The following MFAP5 variants were observed in gnomAD, a reference collection of about 807,000 sequenced individuals.
MFAP5 encodes microfibril associated protein 5, also known as microfibrillar-associated protein 5.
In MFAP5, 19 loss-of-function variants were observed where a neutral mutation model predicts 30.1. The ratio of observed to expected loss-of-function variants is 0.63; its 90% confidence interval spans 0.44 to 0.93. The LOEUF is 0.93. Among genes scored for constraint, MFAP5 ranks in the 40% least tolerant of loss-of-function variants. The probability of loss-of-function intolerance (pLI) is 0.00; values close to 1 mark genes in which losing one functional copy is unlikely to be tolerated. For synonymous variants in MFAP5, 92 were observed against 72.9 expected (o/e 1.26, Z -1.33); for missense variants, 210 against 221.3 (o/e 0.95, Z 0.32).
chr12:8,660,326 C>T (rs1351312912), intron 3 of MFAP5, among the ~76,000 whole-genome samples: 1 of 151,642 alleles, frequency 6.6e-6, no homozygotes, highest in Non-Finnish European at 1.5e-5. Context: ...GTAGCTAGGA[C>T]CACAGGCATG....
At chr12:8,657,948 G>A (rs1218519557) in intron 3 of MFAP5, among the ~76,000 whole-genome samples, 1 of 152,138 alleles carries the variant, frequency 6.6e-6, no homozygotes, top group Non-Finnish European at 1.5e-5. Flanking sequence ...TTTTTATAAA[G>A]CATATCAGAG....
At chr12:8,649,678 C>G (rs1941781112) in intron 8 of MFAP5, 104 bp from the exon 9 acceptor site, 1 of 794,976 alleles carries the variant, frequency 1.3e-6, no homozygotes, top group Non-Finnish European at 2.1e-6. Context: ...ATATTCCCCA[C>G]TTTCCCTATC....
chr12:8,650,185 C>T (rs1435904945), intron 8 of MFAP5, among the ~76,000 whole-genome samples: 1 of 152,148 alleles, frequency 6.6e-6, no homozygotes, highest in African/African-American at 2.4e-5. Context: ...CTATTTTCTA[C>T]CTTAGAGCTG....
intron 7 of MFAP5, among the ~76,000 whole-genome samples, chr12:8,650,964 C>G (rs539824646): frequency 5.3e-5 from 8 of 152,128 alleles, no homozygotes; most frequent in Non-Finnish European, 8.8e-5. Flanking sequence ...GTCAGGAGTT[C>G]GAGACCAGCC....
chr12:8,661,996 G>A lies in MFAP5; in HGVS notation c.58+51C>T, dbSNP rs367780829. 3.1e-5 allele frequency: 48 copies of A among 1,535,614 alleles called. No homozygotes were observed. In the East Asian group the frequency reaches 6.1e-4, roughly 19 times the overall value. ...TTCCATCCCATCTCCTGCCACACAC[G>A]TGTATAGCTGAGGAGCTGAGGGTTT... is the stretch of plus-strand genomic sequence containing the variant. On this transcript the variant is annotated intron_variant, in intron 2 of 9. Coordinates refer to ENST00000359478, the MANE Select transcript of MFAP5 (RefSeq NM_003480.4).
intron 6 of MFAP5, among the ~76,000 whole-genome samples, chr12:8,653,227 T>G (rs373878419): frequency 7.3e-4 from 110 of 150,932 alleles, no homozygotes; most frequent in African/African-American, 2.4e-3. Flanking sequence ...AAAAGAAAAC[T>G]GGATGTCAAC....
Position 8,662,280 on chromosome 12 carries a change from T to A in MFAP5, c.-2-174A>T, listed in dbSNP as rs1942176050. 4 of 586,886 alleles carry A rather than the reference T, an allele frequency of 6.8e-6. No homozygotes were observed. The East Asian group carries it at 1.2e-4, about 17-fold the overall frequency. 36.4% of individuals were successfully genotyped at this position (586,886 alleles called of 1,614,324 possible). On this transcript the variant is annotated intron_variant, in intron 1 of 9. Transcript: ENST00000359478. The stretch of plus-strand genomic sequence containing the variant: ...TTTCTTACCTTTCACCCAACATTCA[T>A]TTCTCCCTCAAATCTATTCCTTGGT...
chr12:8,657,834 A>G (rs1195545405), intron 3 of MFAP5, among the ~76,000 whole-genome samples: 1 of 152,026 alleles, frequency 6.6e-6, no homozygotes, highest in Admixed American at 6.6e-5. Context: ...GGCCTCCCGA[A>G]GTGCTGGGAT....
At chr12:8,649,857 T>A (rs1941785930) in intron 8 of MFAP5, among the ~76,000 whole-genome samples, 1 of 152,190 alleles carries the variant, frequency 6.6e-6, no homozygotes, top group Non-Finnish European at 1.5e-5. Flanking sequence ...AGTGGTGATT[T>A]CTGAGATTTG....
chr12:8,649,608 A>T (rs1184235880), intron 8 of MFAP5, 34 bp from the exon 9 acceptor site: 1 of 1,593,268 alleles, frequency 6.3e-7, no homozygotes, highest in East Asian at 2.2e-5. Context: ...GCAAGGAAGG[A>T]GATGGAAGAA....
At position 8,655,895 on chromosome 12, in the gene MFAP5, G is replaced by A. The variant is rs1022196368; in HGVS notation, c.95-65C>T. ...TCTCCCTGCCACCCTTGCACTTCCA[G>A]TAAGTTAAATTGCGAAGCATAGTGC... On this transcript the variant is annotated intron_variant, in intron 3 of 9. Coordinates refer to ENST00000359478, the MANE Select transcript of MFAP5 (RefSeq NM_003480.4). 3 of 1,450,010 alleles carry A rather than the reference G, an allele frequency of 2.1e-6. No individual in the cohort carries two copies. The African/African-American group carries it at 4.2e-5, about 20-fold the overall frequency. 89.8% of individuals were successfully genotyped at this position (1,450,010 alleles called of 1,614,324 possible). A position where few individuals can be genotyped will look rare whatever the true frequency, so the allele number is the denominator to read the frequency against.
chr12:8,655,329 C>T (rs1057358711), intron 5 of MFAP5, 86 bp downstream of exon 5: 3 of 1,217,400 alleles, frequency 2.5e-6, no homozygotes, highest in Admixed American at 2.3e-5. Flanking sequence ...AATATAAAAG[C>T]ACAGAATGAA....
intron 4 of MFAP5, 123 bp downstream of exon 4, chr12:8,655,663 T>C (rs1442755877): frequency 3.4e-6 from 4 of 1,176,818 alleles, no homozygotes; most frequent in Non-Finnish European, 4.8e-6. Context: ...ACAACAGAAC[T>C]CTGCATGAGC....
At chr12:8,654,959 T>G (rs1434418899) in intron 5 of MFAP5, among the ~76,000 whole-genome samples, 1 of 132,424 alleles carries the variant, frequency 7.6e-6, no homozygotes, top group African/African-American at 2.9e-5. Context: ...AAAAAAAAAA[T>G]TAGCACTGTC....
At chr12:8,660,962 T>C in intron 2 of MFAP5, 64 bp from the exon 3 acceptor site, 1 of 1,363,856 alleles carries the variant, frequency 7.3e-7, no homozygotes, top group Non-Finnish European at 1.0e-6. Flanking sequence ...AACCCTTTTA[T>C]GAGACAAATC....
chr12:8,655,726 G>T, intron 4 of MFAP5, 60 bp downstream of exon 4: 2 of 1,557,262 alleles, frequency 1.3e-6, no homozygotes, highest in South Asian at 1.1e-5. Context: ...ATGTAGACAT[G>T]ATCCTTTATC....
At chr12:8,661,916 A>C in intron 2 of MFAP5, 131 bp downstream of exon 2, 1 of 882,536 alleles carries the variant, frequency 1.1e-6, no homozygotes, top group Non-Finnish European at 1.8e-6. Context: ...TTCTTCTAAT[A>C]GGAATTCCAG....
In MFAP5 at chr12:8,655,766, CAA is replaced by C; in HGVS notation, c.139+18_139+19del. 1 of 1,606,906 alleles carries C rather than the reference CAA, an allele frequency of 6.2e-7. No homozygotes were observed. Among genetic ancestry groups the C allele is most frequent in the South Asian group, 1.1e-5 (1 of 91,012 alleles). On this transcript the variant is annotated intron_variant, in intron 4 of 9. Coordinates refer to ENST00000359478, the MANE Select transcript of MFAP5 (RefSeq NM_003480.4). ...CCCAATAAAACAGCAAACAAACAAA[CAA>C]ACAAAAGTGTAGCTTACTAGGATCT... is the stretch of plus-strand genomic sequence containing the variant.
chr12:8,657,829 C>T (rs113432162), intron 3 of MFAP5, among the ~76,000 whole-genome samples: 14 of 152,032 alleles, frequency 9.2e-5, no homozygotes, highest in East Asian at 3.9e-4. Context: ...ACCTTGGCCT[C>T]CCGAAGTGCT....
Sources: allele counts gnomAD v4.1 joint callset (sites outside exome capture counted in the v4.1 genomes callset), GRCh38; gene constraint gnomAD v4.1.1; transcripts MANE v1.5; gene names NCBI Gene and HGNC (gene_info 2026-07-23, HGNC 2026-07-21).